Variants in PDC observed in about 807,000 individuals in gnomAD.
PDC encodes phosducin, also known as 33 kDa phototransducing protein.
Under a neutral mutation model 22.2 loss-of-function variants are expected in PDC, and 19 were observed. That is an observed-to-expected ratio of 0.86 (90% CI 0.60 to 1.26). The LOEUF (loss-of-function observed/expected upper bound fraction) is 1.26, where lower values mean the gene tolerates loss of function less well. PDC is among the 50% of genes most tolerant of loss of function. The probability of loss-of-function intolerance (pLI) is 0.00; values close to 1 mark genes in which losing one functional copy is unlikely to be tolerated. For missense variants in PDC, 274 were observed against 286.8 expected (o/e 0.96, Z 0.32); for synonymous variants, 97 against 96.2 (o/e 1.01, Z -0.05).
chr1:186,444,532 T>C lies in PDC; in HGVS notation c.214-26A>G, dbSNP rs377431091. On this transcript the variant is annotated intron_variant, in intron 3 of 3. Transcript: ENST00000391997. ...CTGAGAATAAAGAAATGATAGAAAT[T>C]ATTAAGTCAGAAGTTTTATTCCTTA... The C allele has an allele frequency of 7.5e-6, 11 of 1,465,386 alleles. No homozygotes were observed. The African/African-American group carries it at 1.4e-4, about 19-fold the overall frequency. The allele number at this position is 1,465,386 out of a possible 1,614,324, so 90.8% of individuals were successfully genotyped here. A position where few individuals can be genotyped will look rare whatever the true frequency, so the allele number is the denominator to read the frequency against.
At chr1:186,456,710 A>G (rs1662479657) in intron 1 of PDC, among the ~76,000 whole-genome samples, 1 of 152,228 alleles carries the variant, frequency 6.6e-6, no homozygotes, top group Non-Finnish European at 1.5e-5. Flanking sequence ...GGAAACACAT[A>G]GAATAAGAAA....
chr1:186,447,171 T>A (rs926549656), intron 2 of PDC, among the ~76,000 whole-genome samples: 7 of 151,818 alleles, frequency 4.6e-5, no homozygotes, highest in South Asian at 4.2e-4. Context: ...TTTTTTGAGA[T>A]GGAGCCTTGC....
chr1:186,452,643 T>C (rs1662376646), intron 1 of PDC, among the ~76,000 whole-genome samples: 2 of 152,232 alleles, frequency 1.3e-5, no homozygotes, highest in African/African-American at 4.8e-5. Flanking sequence ...CTTTTACATA[T>C]GTGTATGCAA....
intron 2 of PDC, 87 bp downstream of exon 2, chr1:186,449,312 A>C (rs1662299408): frequency 1.6e-6 from 1 of 642,754 alleles, no homozygotes; most frequent in Admixed American, 2.5e-5. Context: ...TACTTAAAGT[A>C]CATACTGAAT....
chr1:186,444,251 A>G lies in PDC; in HGVS notation c.469T>C (p.Cys157Arg), dbSNP rs1662171425. The stretch of plus-strand genomic sequence containing the variant: ...ACTATAGGGTATTCTGCTGCAAGGC[A>G]TGTTAAACTACTGTTTAGAGCATCA... ...GCDALNSSLTCLAAEYPIVKF... is the reference protein window; with the variant it reads ...GCDALNSSLTRLAAEYPIVKF... Residue 157 changes from cysteine (C) to arginine (R), a missense_variant, in exon 4 of 4, where the codon TGC (cysteine) becomes CGC (arginine). Physicochemically the swap from Cys to Arg is radical, Grantham distance 180. Coordinates refer to ENST00000391997, the MANE Select transcript of PDC (RefSeq NM_002597.5). The G allele has an allele frequency of 6.2e-6, 10 of 1,613,970 alleles. No individual in the cohort carries two copies. Among genetic ancestry groups the G allele is most frequent in the African/African-American group, 4.0e-5 (3 of 74,930 alleles).
At chr1:186,446,384 C>A (rs760496609) in intron 3 of PDC, 42 bp downstream of exon 3, 4 of 1,418,524 alleles carry the variant, frequency 2.8e-6, no homozygotes, top group Admixed American at 3.8e-5. Context: ...GATTAGAAAA[C>A]ACATTGTAAA....
chr1:186,460,971 A>T (rs1458566454), intron 1 of PDC, 88 bp downstream of exon 1: 1 of 154,784 alleles, frequency 6.5e-6, no homozygotes, highest in Non-Finnish European at 1.5e-5. Flanking sequence ...ACATTAACAC[A>T]ATAATACATA....
At chr1:186,459,980 C>T (rs1231635824) in intron 1 of PDC, among the ~76,000 whole-genome samples, 4 of 150,342 alleles carry the variant, frequency 2.7e-5, no homozygotes, top group Non-Finnish European at 4.4e-5. Context: ...TCAACAAACT[C>T]TGTGTTCTTT....
chr1:186,448,511 C>T (rs1267102112), intron 2 of PDC: 1 of 162,100 alleles, frequency 6.2e-6, no homozygotes, highest in South Asian at 2.0e-4. Context: ...GACTTTTGTT[C>T]CTGGTGACCT....
At chr1:186,453,538 C>CAA (rs1662394693) in intron 1 of PDC, among the ~76,000 whole-genome samples, 1 of 152,114 alleles carries the variant, frequency 6.6e-6, no homozygotes. Flanking sequence ...GGTAGATTTT[C>CAA]AAATAGTTGG....
Position 186,449,398 on chromosome 1 carries a change from C to T in PDC, c.61+1G>A. The stretch of plus-strand genomic sequence containing the variant: ...TTATTTTTTCTTCTAGCTTTGCTTG[C>T]CTGTATGTGTGGCCTGTCCTTCAAA... On this transcript the variant is annotated splice_donor_variant, in intron 2 of 3. Coordinates refer to ENST00000391997, the MANE Select transcript of PDC (RefSeq NM_002597.5). LOFTEE classifies it high-confidence loss of function. 2 of 1,591,242 alleles carry T rather than the reference C, an allele frequency of 1.3e-6. No individual in the cohort carries two copies. Among genetic ancestry groups the T allele is most frequent in the Non-Finnish European group, 8.6e-7 (1 of 1,163,332 alleles).
chr1:186,459,110 C>G (rs1360067882), intron 1 of PDC, among the ~76,000 whole-genome samples: 2 of 151,986 alleles, frequency 1.3e-5, no homozygotes, highest in African/African-American at 4.8e-5. Context: ...TGCAGTGAGC[C>G]GACATCTCGC....
intron 1 of PDC, among the ~76,000 whole-genome samples, chr1:186,458,798 G>T (rs1365856969): frequency 2.6e-5 from 4 of 152,202 alleles, no homozygotes; most frequent in Non-Finnish European, 5.9e-5. Flanking sequence ...TGAAGAATGG[G>T]AGTGTTATGG....
In PDC at chr1:186,443,975, A is replaced by G; in HGVS notation, c.*4T>C. 2 of 1,590,698 alleles carry G rather than the reference A, an allele frequency of 1.3e-6. No homozygotes were observed. Among genetic ancestry groups the G allele is most frequent in the East Asian group, 2.2e-5 (1 of 44,752 alleles). ...TAAACATGAGATATTGACATAGTGA[A>G]TCTTCATTCAACATCTTCTTCTTCT... On this transcript the variant is annotated 3_prime_UTR_variant, in exon 4 of 4. Transcript: ENST00000391997.
intron 1 of PDC, chr1:186,451,260 T>C (rs1662349655): frequency 6.6e-6 from 1 of 152,186 alleles, no homozygotes; most frequent in Non-Finnish European, 1.5e-5. Context: ...AGCCAATCAA[T>C]TTCACAATGT....
chr1:186,459,159 C>T (rs1405605033), intron 1 of PDC, among the ~76,000 whole-genome samples: 1 of 151,962 alleles, frequency 6.6e-6, no homozygotes, highest in Non-Finnish European at 1.5e-5. Context: ...GAGACTCCAA[C>T]TCAAAAAAAG....
chr1:186,447,851 T>G (rs998661285), intron 2 of PDC, among the ~76,000 whole-genome samples: 11 of 148,386 alleles, frequency 7.4e-5, no homozygotes, highest in African/African-American at 2.4e-4. Context: ...TGTGTATGTT[T>G]GTTTAAAAAA....
At chr1:186,446,757 T>G (rs1006368491) in intron 2 of PDC, among the ~76,000 whole-genome samples, 180 bp from the exon 3 acceptor site, 1 of 152,202 alleles carries the variant, frequency 6.6e-6, no homozygotes, top group African/African-American at 2.4e-5. Flanking sequence ...GCTCCCACAT[T>G]AATCTTGTTA....
chr1:186,446,296 ATT>A, intron 3 of PDC, 128 bp downstream of exon 3: 4 of 584,092 alleles, frequency 6.8e-6, no homozygotes, highest in Non-Finnish European at 8.2e-6. Flanking sequence ...CTTCATTTCC[ATT>A]TTTTTTTGCC....
Sources: allele counts gnomAD v4.1 joint callset (sites outside exome capture counted in the v4.1 genomes callset), GRCh38; gene constraint gnomAD v4.1.1; transcripts MANE v1.5; gene names NCBI Gene and HGNC (gene_info 2026-07-23, HGNC 2026-07-21).